Variants in PRKCE observed in about 807,000 individuals in gnomAD.
PRKCE encodes the protein protein kinase C epsilon.
Under a neutral mutation model 85.4 loss-of-function variants are expected in PRKCE, and 16 were observed. That is an observed-to-expected ratio of 0.19 (90% CI 0.13 to 0.28). The LOEUF (loss-of-function observed/expected upper bound fraction) is 0.28, where lower values mean the gene tolerates loss of function less well. PRKCE is among the 10% of genes least tolerant of loss of function. PRKCE has a pLI of 1.00. For missense variants in PRKCE, 573 were observed against 975.2 expected (o/e 0.59, Z 5.49); for synonymous variants, 388 against 371.5 (o/e 1.04, Z -0.51).
intron 10 of PRKCE, among the ~76,000 whole-genome samples, chr2:46,033,044 G>T (rs1041022734): frequency 2.6e-5 from 4 of 152,210 alleles, no homozygotes; most frequent in African/African-American, 9.6e-5. Flanking sequence ...GTTCTCACCT[G>T]TAATCAGATG....
At chr2:45,903,340 C>T (rs1246229686) in intron 2 of PRKCE, among the ~76,000 whole-genome samples, 1 of 152,184 alleles carries the variant, frequency 6.6e-6, no homozygotes, top group Non-Finnish European at 1.5e-5. Context: ...AATATTATGG[C>T]TACTCCATAG....
chr2:46,184,988 C>A lies in PRKCE; in HGVS notation c.*107C>A. On this transcript the variant is annotated 3_prime_UTR_variant, in exon 15 of 15. Transcript: ENST00000306156. The surrounding 1 kb of genome is among the most constrained non-coding windows in gnomAD (Gnocchi z 5.0). Reference sequence around the variant, plus strand: ...TTGAACTACTTCTCCTCCTCGGAGCCCCAGTCCCATGTCCACTGTCTATTT... The same window carrying A: ...TTGAACTACTTCTCCTCCTCGGAGCACCAGTCCCATGTCCACTGTCTATTT... The A allele has an allele frequency of 4.2e-6, 6 of 1,429,646 alleles. No individual in the cohort carries two copies. The highest frequency in any genetic ancestry group is 5.7e-6 in the Non-Finnish European group (6 of 1,053,374). 88.6% of individuals were successfully genotyped at this position (1,429,646 alleles called of 1,614,324 possible). A position where few individuals can be genotyped will look rare whatever the true frequency, so the allele number is the denominator to read the frequency against.
intron 1 of PRKCE, among the ~76,000 whole-genome samples, chr2:45,728,944 A>G (rs1193789602): frequency 6.6e-6 from 1 of 152,164 alleles, no homozygotes; most frequent in Non-Finnish European, 1.5e-5. Context: ...ACTGGCTCCT[A>G]ACTGGTAGGC....
intron 1 of PRKCE, among the ~76,000 whole-genome samples, chr2:45,674,531 C>CG (rs1558542986): frequency 6.6e-6 from 1 of 152,124 alleles, no homozygotes; most frequent in Non-Finnish European, 1.5e-5. Context: ...AGTCAGGGCC[C>CG]AACTCACTGT....
chr2:45,900,527 A>G (rs577006140), intron 2 of PRKCE, among the ~76,000 whole-genome samples: 1 of 152,368 alleles, frequency 6.6e-6, no homozygotes, highest in Admixed American at 6.5e-5. Context: ...AAGCACACAT[A>G]TTCTATGATT....
intron 1 of PRKCE, among the ~76,000 whole-genome samples, chr2:45,784,116 G>A (rs1212494962): frequency 6.6e-6 from 1 of 152,258 alleles, no homozygotes; most frequent in East Asian, 1.9e-4. Context: ...GGAATGAAGT[G>A]TGCTCATATT....
chr2:45,858,803 G>A (rs898007249), intron 2 of PRKCE, among the ~76,000 whole-genome samples: 8 of 152,134 alleles, frequency 5.3e-5, no homozygotes, highest in African/African-American at 1.2e-4. Flanking sequence ...CACTTTGGGA[G>A]GCCAAGGCGG....
intron 10 of PRKCE, among the ~76,000 whole-genome samples, chr2:46,052,737 T>C (rs186982320): frequency 2.4e-3 from 365 of 152,328 alleles, no homozygotes; most frequent in African/African-American, 8.4e-3. Context: ...GGACTTAAAT[T>C]CCTGGTTCTA....
chr2:45,761,262 G>T (rs897424108), intron 1 of PRKCE, among the ~76,000 whole-genome samples: 5 of 135,250 alleles, frequency 3.7e-5, no homozygotes, highest in Admixed American at 1.7e-4. Flanking sequence ...GGGAGGCAGA[G>T]CTTGCAGTAA....
chr2:45,917,525 G>T (rs569440053), intron 2 of PRKCE, among the ~76,000 whole-genome samples: 1 of 152,336 alleles, frequency 6.6e-6, no homozygotes, highest in South Asian at 2.1e-4. Context: ...GATACAGAGT[G>T]CCGATTGGTG....
At chr2:45,973,995 A>G (rs1702272291) in intron 2 of PRKCE, among the ~76,000 whole-genome samples, 1 of 152,202 alleles carries the variant, frequency 6.6e-6, no homozygotes, top group Non-Finnish European at 1.5e-5. Context: ...GAATCCTGTG[A>G]AAGGAGTTAA....
chr2:45,834,046 C>T (rs568261278), intron 1 of PRKCE, among the ~76,000 whole-genome samples: 1 of 152,236 alleles, frequency 6.6e-6, no homozygotes, highest in Non-Finnish European at 1.5e-5. Context: ...TTTTTAGCTA[C>T]CTCTGTCATC....
At chr2:45,993,789 T>C (rs985377952) in intron 6 of PRKCE, among the ~76,000 whole-genome samples, 16 of 152,070 alleles carry the variant, frequency 1.1e-4, no homozygotes, top group African/African-American at 3.6e-4. Flanking sequence ...GGGGACAGAA[T>C]TCTGGGCACA....
At chr2:45,840,070 G>T (rs1343954611) in intron 1 of PRKCE, among the ~76,000 whole-genome samples, 1 of 152,128 alleles carries the variant, frequency 6.6e-6, no homozygotes, top group African/African-American at 2.4e-5. Flanking sequence ...GCCTGCCTTT[G>T]GATAGGCCCC....
intron 6 of PRKCE, among the ~76,000 whole-genome samples, chr2:45,987,405 T>C (rs1703418680): frequency 1.3e-5 from 2 of 152,200 alleles, no homozygotes; most frequent in Admixed American, 6.5e-5. Context: ...GGCTCTGATG[T>C]TATTACTTGG....
chr2:45,938,036 A>T (rs1458816063), intron 2 of PRKCE, among the ~76,000 whole-genome samples: 14 of 152,172 alleles, frequency 9.2e-5, no homozygotes, highest in Admixed American at 7.9e-4. Context: ...TGTCACTCAG[A>T]GGGTCCCGAC....
intron 6 of PRKCE, among the ~76,000 whole-genome samples, chr2:45,992,938 G>A (rs544591216): frequency 3.9e-5 from 6 of 152,330 alleles, no homozygotes; most frequent in African/African-American, 1.4e-4. Flanking sequence ...GTGAATAGCT[G>A]GGTAGTAGTA....
intron 13 of PRKCE, among the ~76,000 whole-genome samples, chr2:46,154,345 G>C (rs1011946009): frequency 1.3e-5 from 2 of 152,094 alleles, no homozygotes; most frequent in Admixed American, 1.3e-4. Context: ...CAAATTCAAT[G>C]TGTGTTCTGG....
chr2:45,867,796 G>C (rs900159997), intron 2 of PRKCE, among the ~76,000 whole-genome samples: 2 of 152,156 alleles, frequency 1.3e-5, no homozygotes, highest in African/African-American at 4.8e-5. Context: ...GCATATAGCA[G>C]TTGATTTTTG....
Sources: gnomAD v4.1 joint callset for allele counts (sites outside exome capture counted in the v4.1 genomes callset) on GRCh38, gnomAD v4.1.1 for gene constraint, Gnocchi (gnomAD v3.1) non-coding constraint, MANE v1.5 for transcripts, NCBI Gene and HGNC (gene_info 2026-07-23, HGNC 2026-07-21) for gene names.